KCNH3: variants seen among roughly 807,000 people sequenced by gnomAD.
KCNH3 encodes the protein potassium voltage-gated channel subfamily H member 3.
Under a neutral mutation model 95.6 loss-of-function variants are expected in KCNH3, and 36 were observed. The ratio of observed to expected loss-of-function variants is 0.38; its 90% CI spans 0.29 to 0.50. KCNH3 has a LOEUF of 0.50. Ranked by LOEUF, KCNH3 falls within the 20% of genes least tolerant of loss-of-function variation. The probability of loss-of-function intolerance (pLI) is 0.95; values close to 1 mark genes in which losing one functional copy is unlikely to be tolerated. For synonymous variants in KCNH3, 620 were observed against 646.3 expected, an observed-to-expected ratio of 0.96 and a Z score of 0.62; for missense variants, 1,030 against 1,484.1, an observed-to-expected ratio of 0.69 and a Z score of 5.03.
chr12:49,542,940 C>T, intron 4 of KCNH3, 101 bp downstream of exon 4: 1 of 1,408,630 alleles, frequency 7.1e-7, no homozygotes, highest in South Asian at 1.4e-5. Context: ...TAGGGGCCAC[C>T]CAGGCCTTGC....
At chr12:49,557,292 C>T (rs1426614536) in intron 14 of KCNH3, 33 bp downstream of exon 14, 2 of 1,613,492 alleles carry the variant, frequency 1.2e-6, no homozygotes, top group African/African-American at 1.3e-5. Context: ...GTGAGGGGGG[C>T]ACCAGGGGAA....
chr12:49,549,200 G>A (rs1281419667), intron 8 of KCNH3, 27 bp downstream of exon 8: 4 of 1,559,704 alleles, frequency 2.6e-6, no homozygotes, highest in Non-Finnish European at 3.5e-6. Context: ...GCGTCTTCCC[G>A]GGGCCACTCC....
chr12:49,544,511 G>A, intron 7 of KCNH3, 129 bp downstream of exon 7: 1 of 883,766 alleles, frequency 1.1e-6, no homozygotes, highest in Non-Finnish European at 1.8e-6. Context: ...AGAGAAGAGG[G>A]TGTGCAGGTG....
At chr12:49,554,269 G>C in intron 10 of KCNH3, 68 bp from the exon 11 acceptor site, 1 of 1,285,700 alleles carries the variant, frequency 7.8e-7, no homozygotes, top group Admixed American at 1.7e-5. Context: ...TCAGCAACCT[G>C]CAGCCCCCTC....
At chr12:49,541,502 C>T in intron 2 of KCNH3, 128 bp from the exon 3 acceptor site, 1 of 1,122,700 alleles carries the variant, frequency 8.9e-7, no homozygotes, top group Non-Finnish European at 1.3e-6. Flanking sequence ...ACTGGACTGC[C>T]AGCCCTTCCC....
intron 2 of KCNH3, 29 bp from the exon 3 acceptor site, chr12:49,541,601 A>T (rs1269086389): frequency 6.2e-7 from 1 of 1,612,804 alleles, no homozygotes; most frequent in Non-Finnish European, 8.5e-7. Context: ...TGAGAATAGG[A>T]GGTGGGCTGA....
chr12:49,539,840 G>C lies in KCNH3; in HGVS notation c.76+348G>C, dbSNP rs1323500199. Among the ~76,000 whole-genome samples, 1 of 152,202 alleles carries C rather than the reference G, an allele frequency of 6.6e-6. No homozygotes were observed. The highest frequency in any genetic ancestry group is 2.4e-5 in the African/African-American group (1 of 41,460). ...CGCAGCAACTACCCTCGGACTGGTGGGGTAAGGCGAGGCGGGTGAACAGTG... is the reference window on the plus strand; with the variant it reads ...CGCAGCAACTACCCTCGGACTGGTGCGGTAAGGCGAGGCGGGTGAACAGTG... On this transcript the variant is annotated intron_variant, in intron 1 of 14. Coordinates refer to ENST00000257981, the MANE Select transcript of KCNH3 (RefSeq NM_012284.3). This position sits in a 1 kb window ranked among gnomAD's most constrained non-coding sequence, Gnocchi z 6.7.
intron 12 of KCNH3, 45 bp downstream of exon 12, chr12:49,555,996 GCTGAGGC>G (rs1565782916): frequency 2.1e-6 from 2 of 959,236 alleles, no homozygotes; most frequent in Admixed American, 4.4e-5. Context: ...TGGTGATGAG[GCTGAGGC>G]CCTGGGCAGG....
At chr12:49,550,047 A>ACCCCCCCCCCCCC in intron 9 of KCNH3, 33 bp from the exon 10 acceptor site, 2 of 539,786 alleles carry the variant, frequency 3.7e-6, no homozygotes, top group Non-Finnish European at 6.0e-6. Context: ...TGCCACTCCC[A>ACCCCCCCCCCCCC]ACCCCCCCAC....
Position 49,556,359 on chromosome 12 carries a change from T to C in KCNH3, c.2469-11T>C. 1.3e-6 allele frequency: 2 copies of C among 1,595,682 alleles called. No individual in the cohort carries two copies. The highest frequency in any genetic ancestry group is 8.6e-7 in the Non-Finnish European group (1 of 1,163,708). ...TCCATTGATTTGTTGTCCTGGTACC[T>C]GGGTTCACAGGGTAGTAGATGGCAT... On this transcript the variant is annotated splice_polypyrimidine_tract_variant and intron_variant, in intron 12 of 14. Coordinates refer to ENST00000257981, the MANE Select transcript of KCNH3 (RefSeq NM_012284.3).
At position 49,557,645 on chromosome 12, in the gene KCNH3, T is replaced by C; in HGVS notation, c.2944T>C (p.Ser982Pro). ...MAPWPWGPPA[S>P]QSSPWPRATA... is the part of the protein sequence containing the mutation. ...ACCCTGGCCCTGGGGTCCCCCAGCGTCTCAGAGCTCCCCCTGGCCTCGAGC... is the reference window on the plus strand; with the variant it reads ...ACCCTGGCCCTGGGGTCCCCCAGCGCCTCAGAGCTCCCCCTGGCCTCGAGC... Residue 982 changes from serine to proline, a missense_variant, in exon 15 of 15, where the codon TCT becomes CCT. Around this residue, in one of 9 missense-constraint regions of KCNH3, gnomAD observed 464 missense variants for 493.2 expected, o/e 0.94. Coordinates refer to ENST00000257981, the MANE Select transcript of KCNH3 (RefSeq NM_012284.3). 3.7e-6 allele frequency: 6 copies of C among 1,613,322 alleles called. No individual in the cohort carries two copies. The highest frequency in any genetic ancestry group is 5.1e-6 in the Non-Finnish European group (6 of 1,179,804).
chr12:49,551,562 G>A (rs1468143812), intron 10 of KCNH3, among the ~76,000 whole-genome samples: 1 of 131,956 alleles, frequency 7.6e-6, no homozygotes, highest in African/African-American at 2.9e-5. Context: ...GGCGATAAGC[G>A]AGACTCTGTC....
intron 8 of KCNH3, 51 bp from the exon 9 acceptor site, chr12:49,549,390 T>C (rs1180309449): frequency 1.3e-6 from 2 of 1,589,664 alleles, no homozygotes; most frequent in East Asian, 4.5e-5. Context: ...CAGCGTGGTG[T>C]CAGGCCGGGC....
intron 10 of KCNH3, 98 bp from the exon 11 acceptor site, chr12:49,554,239 G>C (rs112827879): frequency 5.2e-6 from 5 of 953,930 alleles, no homozygotes; most frequent in Middle Eastern, 3.2e-4. Context: ...CAGAGGCCCA[G>C]CCCAGCTCTG....
intron 3 of KCNH3, among the ~76,000 whole-genome samples, chr12:49,542,112 G>T (rs915488125): frequency 6.6e-6 from 1 of 152,228 alleles, no homozygotes. Context: ...CTGACTGGGG[G>T]TGGAGCTCTG....
intron 3 of KCNH3, 63 bp from the exon 4 acceptor site, chr12:49,542,643 G>T: frequency 1.3e-6 from 2 of 1,505,842 alleles, no homozygotes; most frequent in South Asian, 2.6e-5. Context: ...TCCTACACCT[G>T]ACCCGGAGCT....
At chr12:49,550,839 A>C (rs1938234458) in intron 10 of KCNH3, among the ~76,000 whole-genome samples, 1 of 152,218 alleles carries the variant, frequency 6.6e-6, no homozygotes, top group African/African-American at 2.4e-5. Context: ...TGGTATCTAC[A>C]GTGTATATAC....
intron 11 of KCNH3, 26 bp from the exon 12 acceptor site, chr12:49,555,594 G>A: frequency 7.6e-6 from 11 of 1,451,510 alleles, no homozygotes; most frequent in Non-Finnish European, 1.0e-5. Flanking sequence ...CATCCATGCC[G>A]ATTCCCTGTC....
At chr12:49,549,209 C>T (rs372603606) in intron 8 of KCNH3, 36 bp downstream of exon 8, 23 of 1,548,746 alleles carry the variant, frequency 1.5e-5, no homozygotes, top group Non-Finnish European at 1.9e-5. Flanking sequence ...CGGGGCCACT[C>T]CCAGACTTCT....
Sources: gnomAD v4.1 joint callset for allele counts (sites outside exome capture counted in the v4.1 genomes callset) on GRCh38, gnomAD v4.1.1 for gene constraint, gnomAD v4.1.1 regional missense constraint, Gnocchi (gnomAD v3.1) non-coding constraint, MANE v1.5 for transcripts, NCBI Gene and HGNC (gene_info 2026-07-23, HGNC 2026-07-21) for gene names.